CA10: variants seen among roughly 807,000 people sequenced by gnomAD.
CA10 encodes the protein carbonic anhydrase-related protein 10.
In CA10, 14 loss-of-function variants were observed where a neutral mutation model predicts 44.2. The observed-to-expected ratio is 0.32, with a 90% CI of 0.21 to 0.50. CA10 has a LOEUF of 0.50. Among genes scored for constraint, CA10 ranks in the 20% least tolerant of loss-of-function variants. The pLI is 0.99. For synonymous variants in CA10, 159 were observed against 141.6 expected (o/e 1.12, Z -0.87); for missense variants, 350 against 409.7 (o/e 0.85, Z 1.26).
intron 2 of CA10, among the ~76,000 whole-genome samples, chr17:51,935,255 C>G (rs1428033332): frequency 2.0e-5 from 3 of 152,130 alleles, no homozygotes; most frequent in Non-Finnish European, 2.9e-5. Flanking sequence ...ATTTTTTTCT[C>G]TTAGTTTCCA....
intron 4 of CA10, among the ~76,000 whole-genome samples, chr17:51,726,523 A>G (rs1420930764): frequency 2.0e-5 from 3 of 152,226 alleles, no homozygotes; most frequent in Non-Finnish European, 4.4e-5. Context: ...CAAAATAAGC[A>G]TATTTCAAAA....
chr17:51,745,480 C>T (rs1291998244), intron 4 of CA10, among the ~76,000 whole-genome samples: 2 of 152,184 alleles, frequency 1.3e-5, no homozygotes, highest in Admixed American at 1.3e-4. Flanking sequence ...GCTTCACAAA[C>T]CTAATCGTCA....
chr17:51,866,914 T>TAAG (rs144603188), intron 3 of CA10, among the ~76,000 whole-genome samples: 19,447 of 152,080 alleles, frequency 0.13, 1,612 homozygotes, highest in African/African-American at 0.25. Flanking sequence ...AAAATAATGG[T>TAAG]AAGAACAGTT....
intron 3 of CA10, among the ~76,000 whole-genome samples, chr17:51,899,083 G>C (rs939919237): frequency 6.6e-6 from 1 of 151,896 alleles, no homozygotes. Context: ...TCTTCTGCTA[G>C]CTTTGGGGTT....
chr17:52,135,707 A>G (rs1411091119), intron 1 of CA10, among the ~76,000 whole-genome samples: 2 of 152,038 alleles, frequency 1.3e-5, no homozygotes, highest in African/African-American at 4.8e-5. Context: ...TGTTTTCCCA[A>G]ATTTATGAAT....
At chr17:51,781,959 C>A (rs965371880) in intron 3 of CA10, among the ~76,000 whole-genome samples, 1 of 152,178 alleles carries the variant, frequency 6.6e-6, no homozygotes, top group Non-Finnish European at 1.5e-5. Context: ...CAAATCTTAA[C>A]AGCCAGTAAG....
intron 3 of CA10, among the ~76,000 whole-genome samples, chr17:51,802,455 GAAGA>G (rs760314296): frequency 2.0e-5 from 3 of 149,990 alleles, no homozygotes; most frequent in Non-Finnish European, 3.0e-5. Flanking sequence ...GGAATCTGTA[GAAGA>G]AAGACACTTT....
At position 52,042,440 on chromosome 17, in the gene CA10, GT is replaced by G. The variant is rs908641369; in HGVS notation, c.136+29878del. On this transcript the variant is annotated intron_variant, in intron 2 of 8. Coordinates refer to ENST00000451037, the MANE Select transcript of CA10 (RefSeq NM_020178.5). ...TCATTTGCACAATTTTAAATTAGGG[GT>G]TTTTTTGTTTGGGTTGGTTGCTATT... Among the ~76,000 whole-genome samples the G allele has an allele frequency of 5.3e-5, 8 of 151,748 alleles. 1 individual carries two copies. The highest frequency in any genetic ancestry group is 1.9e-4 in the African/African-American group (8 of 41,436).
chr17:51,784,115 C>T (rs1255142600), intron 3 of CA10, among the ~76,000 whole-genome samples: 2 of 152,146 alleles, frequency 1.3e-5, no homozygotes, highest in Non-Finnish European at 2.9e-5. Context: ...TTATTATTCC[C>T]ATTCTTCAGG....
At chr17:51,836,079 A>C (rs1908467132) in intron 3 of CA10, among the ~76,000 whole-genome samples, 1 of 152,188 alleles carries the variant, frequency 6.6e-6, no homozygotes, top group Admixed American at 6.5e-5. Context: ...GATGTAACAG[A>C]TTTATACTCT....
rs531977605 is a variant in CA10, at chr17:51,639,245, C to T, written c.635-3236G>A. On this transcript the variant is annotated intron_variant, in intron 6 of 8. Coordinates refer to ENST00000451037, the MANE Select transcript of CA10 (RefSeq NM_020178.5). ...TGTGATTTGTTTAACCAAGCTTGCA[C>T]GAGGAACACATTGGGTACTCTAGCA... Among the ~76,000 whole-genome samples, 22 of 152,110 alleles carry T rather than the reference C, an allele frequency of 1.4e-4. No individual in the cohort carries two copies. In the South Asian group the frequency reaches 4.2e-3, roughly 29 times the overall value.
chr17:52,125,384 C>T (rs1989097155), intron 1 of CA10, among the ~76,000 whole-genome samples: 1 of 152,192 alleles, frequency 6.6e-6, no homozygotes, highest in Admixed American at 6.5e-5. Flanking sequence ...AGCCAAAGAG[C>T]AGGTGTCCCT....
chr17:51,696,842 T>A (rs969453993), intron 4 of CA10, among the ~76,000 whole-genome samples: 1 of 152,140 alleles, frequency 6.6e-6, no homozygotes, highest in Admixed American at 6.5e-5. Flanking sequence ...CACAAAAGCA[T>A]AGGCAGCAAA....
At chr17:52,061,793 A>C (rs1182190699) in intron 2 of CA10, among the ~76,000 whole-genome samples, 2 of 152,198 alleles carry the variant, frequency 1.3e-5, no homozygotes, top group African/African-American at 2.4e-5. Context: ...TGAGTCAATT[A>C]AACCTCCTCT....
At chr17:51,862,425 CTT>C (rs377626191) in intron 3 of CA10, among the ~76,000 whole-genome samples, 19,342 of 144,962 alleles carry the variant, frequency 0.13, 1,594 homozygotes, top group African/African-American at 0.25. Flanking sequence ...TAACTGGAGT[CTT>C]TTTTTTTTTT....
chr17:51,825,656 C>T (rs1907980084), intron 3 of CA10, among the ~76,000 whole-genome samples: 1 of 152,208 alleles, frequency 6.6e-6, no homozygotes, highest in South Asian at 2.1e-4. Context: ...TTCACTTTTG[C>T]ACGTTTCTGT....
At chr17:52,115,674 T>C (rs1461952566) in intron 1 of CA10, among the ~76,000 whole-genome samples, 1 of 152,060 alleles carries the variant, frequency 6.6e-6, no homozygotes, top group Non-Finnish European at 1.5e-5. Flanking sequence ...CCCCCTCCCC[T>C]CTCGGTTGGG....
At chr17:51,754,301 T>C (rs1290796909) in intron 3 of CA10, among the ~76,000 whole-genome samples, 1 of 147,656 alleles carries the variant, frequency 6.8e-6, no homozygotes, top group South Asian at 2.2e-4. Context: ...TGTGTGTGTG[T>C]GTGTGTGTGT....
intron 2 of CA10, among the ~76,000 whole-genome samples, chr17:51,936,170 A>C (rs1982857163): frequency 6.6e-6 from 1 of 152,118 alleles, no homozygotes; most frequent in Non-Finnish European, 1.5e-5. Flanking sequence ...GATGCAACAA[A>C]TCTTTACTGA....
Sources: allele counts gnomAD v4.1 joint callset (sites outside exome capture counted in the v4.1 genomes callset), GRCh38; gene constraint gnomAD v4.1.1; transcripts MANE v1.5; gene names NCBI Gene and HGNC (gene_info 2026-07-23, HGNC 2026-07-21).